The following GFRA1 variants were observed in gnomAD, a reference collection of about 807,000 sequenced individuals.
The protein encoded by GFRA1 is GDNF family receptor alpha-1.
Under a neutral mutation model 51.6 loss-of-function variants are expected in GFRA1, and 16 were observed. The observed-to-expected ratio is 0.31, with a 90% confidence interval of 0.21 to 0.47. GFRA1 has a LOEUF of 0.47. Among genes scored for constraint, GFRA1 ranks in the 20% least tolerant of loss-of-function variants. The probability of loss-of-function intolerance (pLI) is 1.00; values close to 1 mark genes in which losing one functional copy is unlikely to be tolerated. For synonymous variants in GFRA1, 270 were observed against 241.3 expected, an observed-to-expected ratio of 1.12 and a Z score of -1.10; for missense variants, 530 against 594.3, an observed-to-expected ratio of 0.89 and a Z score of 1.13.
At chr10:116,252,335 T>C (rs1308676701) in intron 4 of GFRA1, among the ~76,000 whole-genome samples, 3 of 152,054 alleles carry the variant, frequency 2.0e-5, no homozygotes, top group Admixed American at 1.3e-4. Context: ...AAGCTACCCT[T>C]CACGTGGTAG....
At chr10:116,234,589 G>A (rs1966844491) in intron 4 of GFRA1, among the ~76,000 whole-genome samples, 1 of 152,138 alleles carries the variant, frequency 6.6e-6, no homozygotes, top group South Asian at 2.1e-4. Flanking sequence ...AGCACATTTG[G>A]CCTCTTAATG....
chr10:116,086,418 G>A (rs893934664), intron 9 of GFRA1, among the ~76,000 whole-genome samples: 9 of 152,142 alleles, frequency 5.9e-5, no homozygotes, highest in Non-Finnish European at 8.8e-5. Context: ...TCTCAACTCC[G>A]GCAGCTAAGC....
intron 4 of GFRA1, among the ~76,000 whole-genome samples, chr10:116,255,953 A>G (rs551827247): frequency 2.6e-5 from 4 of 152,210 alleles, no homozygotes; most frequent in African/African-American, 7.2e-5. Context: ...CAAATCATCT[A>G]CTATTCCTGT....
At chr10:116,217,379 T>C (rs1965634630) in intron 4 of GFRA1, among the ~76,000 whole-genome samples, 1 of 152,256 alleles carries the variant, frequency 6.6e-6, no homozygotes, top group Non-Finnish European at 1.5e-5. Context: ...AGTGGGATAA[T>C]TTAATCGGCA....
intron 4 of GFRA1, among the ~76,000 whole-genome samples, chr10:116,228,500 T>G (rs1966463359): frequency 6.6e-6 from 1 of 152,190 alleles, no homozygotes; most frequent in African/African-American, 2.4e-5. Flanking sequence ...AATGAGACTT[T>G]GCAGATACGA....
intron 5 of GFRA1, among the ~76,000 whole-genome samples, chr10:116,207,234 G>A (rs1053561898): frequency 5.9e-5 from 9 of 152,334 alleles, no homozygotes; most frequent in African/African-American, 1.9e-4. Context: ...TGCAAAGGTC[G>A]CAACCCTGCT....
intron 5 of GFRA1, among the ~76,000 whole-genome samples, chr10:116,195,517 C>T (rs949127997): frequency 6.6e-6 from 1 of 152,216 alleles, no homozygotes; most frequent in African/African-American, 2.4e-5. Flanking sequence ...CTCACATGTG[C>T]AGTTCATAAT....
At chr10:116,156,163 TG>T (rs1290287041) in intron 5 of GFRA1, among the ~76,000 whole-genome samples, 2 of 152,230 alleles carry the variant, frequency 1.3e-5, no homozygotes, top group Non-Finnish European at 2.9e-5. Flanking sequence ...GAACTCTTCT[TG>T]GTTAGAGATT....
At chr10:116,257,919 T>C (rs1968999749) in intron 4 of GFRA1, among the ~76,000 whole-genome samples, 2 of 152,168 alleles carry the variant, frequency 1.3e-5, no homozygotes, top group South Asian at 4.1e-4. Context: ...ACACTGTGCC[T>C]TTGCCCAGGC....
In GFRA1 at chr10:116,092,212, CCTTA is replaced by C. The variant is rs1208843482; in HGVS notation, c.1015+1486_1015+1489del. Among the ~76,000 whole-genome samples, 7 of 151,978 alleles carry C rather than the reference CCTTA, an allele frequency of 4.6e-5. No homozygotes were observed. In the South Asian group the frequency reaches 1.0e-3, roughly 23 times the overall value. On this transcript the variant is annotated intron_variant, in intron 8 of 10. Coordinates refer to ENST00000355422, the MANE Select transcript of GFRA1 (RefSeq NM_005264.8). The stretch of plus-strand genomic sequence containing the variant: ...TGCCCCAATGTCGTAGTGAAGGTCT[CCTTA>C]CTTGACACTACTTTTGTGGGTGTGA...
Position 116,063,232 on chromosome 10 carries a change from C to A in GFRA1, c.*1166G>T, listed in dbSNP as rs1188825020. ...ATGACAAGTGTGTCAAGAGATGCTGCAGAACATTTACAAGCAGCCACCAGT... is the reference window on the plus strand; with the variant it reads ...ATGACAAGTGTGTCAAGAGATGCTGAAGAACATTTACAAGCAGCCACCAGT... On this transcript the variant is annotated 3_prime_UTR_variant, in exon 11 of 11. Transcript: ENST00000355422. 1.3e-5 allele frequency: 2 copies of A among 152,188 alleles called. No individual in the cohort carries two copies. Among genetic ancestry groups the A allele is most frequent in the African/African-American group, 4.8e-5 (2 of 41,442 alleles). The allele number at this position is 152,188 out of a possible 1,614,324, so 9.4% of individuals were successfully genotyped here.
intron 6 of GFRA1, among the ~76,000 whole-genome samples, chr10:116,103,526 C>T (rs945202641): frequency 3.9e-5 from 6 of 152,210 alleles, no homozygotes; most frequent in Admixed American, 1.3e-4. Context: ...TAAAGCCTCT[C>T]TGTTACATGA....
At chr10:116,271,246 G>A in intron 2 of GFRA1, 131 bp from the exon 3 acceptor site, 6 of 680,602 alleles carry the variant, frequency 8.8e-6, no homozygotes, top group Non-Finnish European at 1.5e-5. Flanking sequence ...CTGGGAGCGG[G>A]TCCACCTCTC....
intron 4 of GFRA1, among the ~76,000 whole-genome samples, chr10:116,233,314 T>G (rs1447714360): frequency 6.6e-6 from 1 of 151,212 alleles, no homozygotes; most frequent in African/African-American, 2.4e-5. Flanking sequence ...GGCGACAGAG[T>G]GAGACTCCAT....
At chr10:116,270,758 G>T in intron 3 of GFRA1, 64 bp downstream of exon 3, 2 of 1,394,196 alleles carry the variant, frequency 1.4e-6, no homozygotes, top group Non-Finnish European at 2.0e-6. Flanking sequence ...GCTGGCCCAG[G>T]GACGAAAGGC....
At chr10:116,267,982 C>T (rs144279739) in intron 4 of GFRA1, among the ~76,000 whole-genome samples, 252 of 150,864 alleles carry the variant, frequency 1.7e-3, no homozygotes, top group Middle Eastern at 6.8e-3. Context: ...CACACTTTTC[C>T]TCTGAAGGAA....
intron 5 of GFRA1, among the ~76,000 whole-genome samples, chr10:116,181,646 GT>G (rs200108850): frequency 2.7e-5 from 4 of 149,574 alleles, no homozygotes; most frequent in South Asian, 2.1e-4. Flanking sequence ...TTGTTTTTTT[GT>G]TTTTTTTTGA....
chr10:116,072,091 T>C (rs931016637), intron 9 of GFRA1, among the ~76,000 whole-genome samples: 1 of 151,958 alleles, frequency 6.6e-6, no homozygotes, highest in Admixed American at 6.6e-5. Flanking sequence ...TTTTCAGGAA[T>C]TTGCCTTTTC....
intron 4 of GFRA1, among the ~76,000 whole-genome samples, chr10:116,229,234 C>A (rs1966531362): frequency 6.6e-6 from 1 of 152,094 alleles, no homozygotes; most frequent in African/African-American, 2.4e-5. Context: ...TGGTTATACA[C>A]AACCAAACAG....
Sources: gnomAD v4.1 joint callset for allele counts (sites outside exome capture counted in the v4.1 genomes callset) on GRCh38, gnomAD v4.1.1 for gene constraint, MANE v1.5 for transcripts, NCBI Gene and HGNC (gene_info 2026-07-23, HGNC 2026-07-21) for gene names.